The following GFRAL variants were observed in gnomAD, a reference collection of about 807,000 sequenced individuals.
GFRAL encodes GDNF family receptor alpha-like.
A neutral mutation model predicts 45.4 loss-of-function variants in GFRAL; 36 were observed. The ratio of observed to expected loss-of-function variants is 0.79; its 90% CI spans 0.61 to 1.05. The LOEUF (loss-of-function observed/expected upper bound fraction) is 1.05. Among genes scored for constraint, GFRAL ranks in the 50% least tolerant of loss-of-function variants. The pLI is 0.00. For missense variants in GFRAL, 507 were observed against 467.5 expected (o/e 1.08, Z -0.78); for synonymous variants, 166 against 154.1 (o/e 1.08, Z -0.57).
chr6:55,377,890 T>C (rs2127362336), intron 6 of GFRAL, among the ~76,000 whole-genome samples: 1 of 152,112 alleles, frequency 6.6e-6, no homozygotes, highest in Admixed American at 6.6e-5. Flanking sequence ...GGAGATGGGG[T>C]GTCAAGAGTC....
At chr6:55,396,626 A>T (rs536905504) in intron 6 of GFRAL, among the ~76,000 whole-genome samples, 1 of 152,130 alleles carries the variant, frequency 6.6e-6, no homozygotes, top group Non-Finnish European at 1.5e-5. Context: ...ATTGATTTAA[A>T]TACACAATTT....
At chr6:55,333,733 A>G (rs777322103) in intron 2 of GFRAL, 53 bp from the exon 3 acceptor site, 53 of 1,217,700 alleles carry the variant, frequency 4.4e-5, no homozygotes, top group Non-Finnish European at 5.6e-5. Context: ...GGGAGGAAGA[A>G]TCCAAAATTA....
chr6:55,389,423 G>T (rs917845010), intron 6 of GFRAL, among the ~76,000 whole-genome samples: 1 of 152,006 alleles, frequency 6.6e-6, no homozygotes, highest in African/African-American at 2.4e-5. Context: ...ATCTCTCATT[G>T]CTCCATAGGT....
intron 8 of GFRAL, among the ~76,000 whole-genome samples, chr6:55,400,940 A>G (rs1447431049): frequency 1.3e-5 from 2 of 152,162 alleles, no homozygotes; most frequent in Non-Finnish European, 2.9e-5. Context: ...TCTTAACTAC[A>G]TACAGAATGT....
intron 6 of GFRAL, among the ~76,000 whole-genome samples, chr6:55,392,788 C>T (rs184447824): frequency 1.6e-4 from 25 of 152,160 alleles, no homozygotes; most frequent in African/African-American, 6.0e-4. Context: ...GGTTTAATAC[C>T]TGGGCGATAA....
rs2127368565 is a variant in GFRAL at position 55,402,068 on chromosome 6, C to G, written c.*215C>G. The G allele has an allele frequency of 2.6e-6, 1 of 391,370 alleles. No individual in the cohort carries two copies. Among genetic ancestry groups the G allele is most frequent in the Non-Finnish European group, 4.5e-6 (1 of 224,358 alleles). 24.2% of individuals were successfully genotyped at this position (391,370 alleles called of 1,614,324 possible). On this transcript the variant is annotated 3_prime_UTR_variant, in exon 9 of 9. Transcript: ENST00000340465. ...CTCGGTTCACTGCAACCTCTGCCTC[C>G]AAGGTTCAAGTGATTTTCCTGCCTC...
intron 5 of GFRAL, among the ~76,000 whole-genome samples, chr6:55,357,737 T>C (rs1002260872): frequency 1.3e-5 from 2 of 151,788 alleles, no homozygotes; most frequent in Non-Finnish European, 2.9e-5. Context: ...TATTCTTTAG[T>C]TCATCATTTT....
chr6:55,336,238 C>T (rs936406008), intron 3 of GFRAL, among the ~76,000 whole-genome samples: 3 of 152,178 alleles, frequency 2.0e-5, no homozygotes, highest in Non-Finnish European at 2.9e-5. Flanking sequence ...GCCACCGGGC[C>T]GGGCCACTTC....
intron 6 of GFRAL, among the ~76,000 whole-genome samples, chr6:55,377,573 C>A (rs1016330234): frequency 1.3e-5 from 2 of 152,004 alleles, no homozygotes; most frequent in African/African-American, 4.8e-5. Flanking sequence ...GTCATAAGTG[C>A]ATTCCACATG....
intron 6 of GFRAL, among the ~76,000 whole-genome samples, chr6:55,365,943 T>C (rs1049388132): frequency 6.8e-5 from 10 of 146,652 alleles, no homozygotes; most frequent in Non-Finnish European, 1.5e-4. Context: ...ATTAGAATGA[T>C]GCTGGCCTCA....
Position 55,333,788 on chromosome 6 carries a change from C to G in GFRAL, c.160C>G (p.Pro54Ala). The G allele has an allele frequency of 6.3e-7, 1 of 1,583,772 alleles. No individual in the cohort carries two copies. Among genetic ancestry groups the G allele is most frequent in the East Asian group, 2.3e-5 (1 of 44,252 alleles). The stretch of plus-strand genomic sequence containing the variant: ...AGTGTTATGTGTTTGATTGTGAGAT[C>G]CAGGTGACCCCTGCAAGATGAGGAA... ...VMEDACNDSD[P>A]GDPCKMRNSS... Residue 54 changes from proline (P) to alanine (A), a missense_variant and splice_region_variant, in exon 3 of 9, where the codon CCA (proline) becomes GCA (alanine). Transcript: ENST00000340465.
intron 6 of GFRAL, among the ~76,000 whole-genome samples, chr6:55,383,953 G>C (rs1430990505): frequency 3.3e-5 from 5 of 151,992 alleles, no homozygotes; most frequent in East Asian, 1.9e-4. Flanking sequence ...ATACACTACT[G>C]TTAACTCCAT....
In GFRAL at chr6:55,342,345, C is replaced by T. The variant is rs1212142502; in HGVS notation, c.317-7747C>T. Among the ~76,000 whole-genome samples the T allele has an allele frequency of 9.2e-5, 14 of 152,242 alleles. No homozygotes were observed. In the East Asian group the frequency reaches 1.7e-3, roughly 19 times the overall value. Reference sequence around the variant, plus strand: ...GATCTCTCGGCAGAAACTCTACAAGCCAGAAGAGAGTGGGGACCAATATTC... The same window carrying T: ...GATCTCTCGGCAGAAACTCTACAAGTCAGAAGAGAGTGGGGACCAATATTC... On this transcript the variant is annotated intron_variant, in intron 3 of 8. Coordinates refer to ENST00000340465, the MANE Select transcript of GFRAL (RefSeq NM_207410.2).
At chr6:55,365,311 G>T (rs1427221515) in intron 6 of GFRAL, among the ~76,000 whole-genome samples, 1 of 141,438 alleles carries the variant, frequency 7.1e-6, no homozygotes, top group East Asian at 1.9e-4. Flanking sequence ...CTTTGCTGAA[G>T]TTGCTTATCA....
chr6:55,388,772 T>C (rs1233728153), intron 6 of GFRAL, among the ~76,000 whole-genome samples: 2 of 152,218 alleles, frequency 1.3e-5, no homozygotes, highest in African/African-American at 4.8e-5. Flanking sequence ...GTAACATCTC[T>C]TACTGATCCA....
At chr6:55,367,158 G>T (rs1424407118) in intron 6 of GFRAL, among the ~76,000 whole-genome samples, 1 of 112,662 alleles carries the variant, frequency 8.9e-6, no homozygotes, top group African/African-American at 4.1e-5. Context: ...AGGATAGTTA[G>T]CTCTTCTTGT....
At chr6:55,347,129 T>A (rs1367769873) in intron 3 of GFRAL, among the ~76,000 whole-genome samples, 1 of 152,166 alleles carries the variant, frequency 6.6e-6, no homozygotes, top group African/African-American at 2.4e-5. Context: ...TGTTCCTTTA[T>A]CTGAATGGGT....
intron 2 of GFRAL, among the ~76,000 whole-genome samples, chr6:55,332,887 C>G (rs1767848476): frequency 6.6e-6 from 1 of 151,024 alleles, no homozygotes; most frequent in African/African-American, 2.4e-5. Context: ...AATAAACTGT[C>G]TATGTGGTAG....
At chr6:55,372,957 C>A (rs1768471837) in intron 6 of GFRAL, among the ~76,000 whole-genome samples, 1 of 151,990 alleles carries the variant, frequency 6.6e-6, no homozygotes, top group African/African-American at 2.4e-5. Flanking sequence ...AAAAGATGTG[C>A]AAGCTAAATG....
Sources: allele counts gnomAD v4.1 joint callset (sites outside exome capture counted in the v4.1 genomes callset), GRCh38; gene constraint gnomAD v4.1.1; transcripts MANE v1.5; gene names NCBI Gene and HGNC (gene_info 2026-07-23, HGNC 2026-07-21).